The following PRTFDC1 variants were observed in gnomAD, a reference collection of about 807,000 sequenced individuals.
PRTFDC1 encodes phosphoribosyl transferase domain containing 1.
In PRTFDC1, 38 loss-of-function variants were observed where a neutral mutation model predicts 34.6. The observed-to-expected ratio is 1.10, with a 90% CI of 0.85 to 1.44. PRTFDC1 has a LOEUF of 1.44. Among genes scored for constraint, PRTFDC1 ranks in the 40% most tolerant of loss-of-function variants. The pLI is 0.00. For missense variants in PRTFDC1, 270 were observed against 283.0 expected (o/e 0.95, Z 0.33); for synonymous variants, 93 against 98.1 (o/e 0.95, Z 0.31).
intron 3 of PRTFDC1, among the ~76,000 whole-genome samples, chr10:24,900,129 C>T (rs1848425593): frequency 6.6e-6 from 1 of 152,206 alleles, no homozygotes; most frequent in Non-Finnish European, 1.5e-5. Context: ...CTGATGCAGC[C>T]TCTCCCTTTT....
chr10:24,892,714 G>T (rs1460658302), intron 3 of PRTFDC1, among the ~76,000 whole-genome samples: 1 of 151,928 alleles, frequency 6.6e-6, no homozygotes, highest in East Asian at 1.9e-4. Context: ...AAATCCACTG[G>T]TCCACAAGCA....
At chr10:24,865,638 G>C (rs1474554750) in intron 4 of PRTFDC1, among the ~76,000 whole-genome samples, 1 of 152,112 alleles carries the variant, frequency 6.6e-6, no homozygotes, top group Non-Finnish European at 1.5e-5. Flanking sequence ...AAAAGAAAAA[G>C]AAAGGAAGAA....
chr10:24,880,189 T>C (rs1167419219), intron 3 of PRTFDC1, among the ~76,000 whole-genome samples: 1 of 152,232 alleles, frequency 6.6e-6, no homozygotes, highest in East Asian at 1.9e-4. Context: ...TATTTTATAA[T>C]AAATAGTACA....
chr10:24,886,694 T>C (rs12262926), intron 3 of PRTFDC1, among the ~76,000 whole-genome samples: 41,753 of 151,998 alleles, frequency 0.27, 6,847 homozygotes, highest in African/African-American at 0.45. Context: ...TCACTGCAGC[T>C]TCGAATTCCT....
chr10:24,927,991 A>T (rs1347527507), intron 3 of PRTFDC1, among the ~76,000 whole-genome samples: 1 of 152,178 alleles, frequency 6.6e-6, no homozygotes. Flanking sequence ...AGGCGCTACC[A>T]ATTTTCACTA....
At chr10:24,886,205 G>C (rs1014953021) in intron 3 of PRTFDC1, among the ~76,000 whole-genome samples, 4 of 152,106 alleles carry the variant, frequency 2.6e-5, no homozygotes, top group Non-Finnish European at 5.9e-5. Flanking sequence ...AGGGGATGTT[G>C]ATAAGCGGGG....
chr10:24,946,168 C>G (rs1302404171), intron 1 of PRTFDC1, among the ~76,000 whole-genome samples: 3 of 152,034 alleles, frequency 2.0e-5, no homozygotes, highest in Non-Finnish European at 2.9e-5. Context: ...TGCCCCCGTT[C>G]TGGTTGAATC....
chr10:24,872,212 AC>A (rs1847882809), intron 3 of PRTFDC1, 149 bp from the exon 4 acceptor site: 2 of 666,530 alleles, frequency 3.0e-6, no homozygotes, highest in African/African-American at 3.6e-5. Flanking sequence ...GCCTATGGTT[AC>A]CAAGAGCCAT....
intron 4 of PRTFDC1, among the ~76,000 whole-genome samples, chr10:24,864,842 G>A (rs968691236): frequency 1.3e-5 from 2 of 152,076 alleles, no homozygotes; most frequent in South Asian, 2.1e-4. Flanking sequence ...GAGGCTGGGT[G>A]CGATGGCTCA....
rs544581992 is a variant in PRTFDC1 at position 24,886,711 on chromosome 10, A to C, written c.340-14648T>G. Among the ~76,000 whole-genome samples the C allele has an allele frequency of 8.3e-4, 127 of 152,284 alleles. 2 individuals carry two copies. The South Asian group carries it at 0.026, about 32-fold the overall frequency. On this transcript the variant is annotated intron_variant, in intron 3 of 8. Coordinates refer to ENST00000320152, the MANE Select transcript of PRTFDC1 (RefSeq NM_020200.7). Reference sequence around the variant, plus strand: ...ACTGCAGCTTCGAATTCCTGGGCTCAAGAGATCCTCCTGCCTCAGTCTCCA... The same window carrying C: ...ACTGCAGCTTCGAATTCCTGGGCTCCAGAGATCCTCCTGCCTCAGTCTCCA...
chr10:24,891,189 C>T (rs1022713351), intron 3 of PRTFDC1, among the ~76,000 whole-genome samples: 4 of 152,006 alleles, frequency 2.6e-5, no homozygotes, highest in Non-Finnish European at 4.4e-5. Flanking sequence ...TATTCAGAAT[C>T]GATTTATTCT....
intron 3 of PRTFDC1, among the ~76,000 whole-genome samples, chr10:24,872,424 G>C (rs1847886824): frequency 6.6e-6 from 1 of 152,080 alleles, no homozygotes; most frequent in Non-Finnish European, 1.5e-5. Context: ...GCTGGGGGTG[G>C]ACTGAGTATG....
At chr10:24,895,688 GATATATATATATATATATATATAT>G (rs762084915) in intron 3 of PRTFDC1, among the ~76,000 whole-genome samples, 760 of 47,424 alleles carry the variant, frequency 0.016, 32 homozygotes, top group African/African-American at 0.049. Context: ...AGCTGGGGTG[GATATATATATATATATATATATAT>G]ATATATATAT....
chr10:24,864,053 C>T (rs918305285), intron 4 of PRTFDC1, among the ~76,000 whole-genome samples: 11 of 150,336 alleles, frequency 7.3e-5, no homozygotes, highest in African/African-American at 2.4e-4. Flanking sequence ...GAGGAAGTAC[C>T]TGCAGATGTG....
rs1319461125 is a variant in PRTFDC1 at position 24,893,944 on chromosome 10, C to T, written c.340-21881G>A. Among the ~76,000 whole-genome samples, 8 of 152,172 alleles carry T rather than the reference C, an allele frequency of 5.3e-5. No individual in the cohort carries two copies. In the East Asian group the frequency reaches 1.3e-3, roughly 26 times the overall value. ...GCACCCACAGTTTGTCACCTCATGA[C>T]GTCTATTGGAATGTACTTGGGTCAA... On this transcript the variant is annotated intron_variant, in intron 3 of 8. Transcript: ENST00000320152.
chr10:24,910,256 A>AT (rs1188303106), intron 3 of PRTFDC1, among the ~76,000 whole-genome samples: 1 of 152,252 alleles, frequency 6.6e-6, no homozygotes. Flanking sequence ...CAGCTCACAC[A>AT]TATTTTAAGA....
At chr10:24,923,509 A>G (rs537167562) in intron 3 of PRTFDC1, among the ~76,000 whole-genome samples, 1 of 152,236 alleles carries the variant, frequency 6.6e-6, no homozygotes, top group South Asian at 2.1e-4. Flanking sequence ...TACCCAGGTA[A>G]ACGGGGTCTG....
At chr10:24,871,942 A>G in intron 4 of PRTFDC1, 56 bp downstream of exon 4, 1 of 1,457,482 alleles carries the variant, frequency 6.9e-7, no homozygotes, top group Non-Finnish European at 9.5e-7. Context: ...CCTGAAATGC[A>G]GGTCACCGAT....
intron 3 of PRTFDC1, among the ~76,000 whole-genome samples, chr10:24,920,114 C>T (rs990372121): frequency 1.3e-5 from 2 of 152,054 alleles, no homozygotes; most frequent in African/African-American, 4.8e-5. Flanking sequence ...CCAGTAATCC[C>T]ATGGCTGGGT....
Sources: allele counts gnomAD v4.1 joint callset (sites outside exome capture counted in the v4.1 genomes callset), GRCh38; gene constraint gnomAD v4.1.1; transcripts MANE v1.5; gene names NCBI Gene and HGNC (gene_info 2026-07-23, HGNC 2026-07-21).